NKAIN2: variants seen among roughly 807,000 people sequenced by gnomAD.
The protein encoded by NKAIN2 is sodium/potassium-transporting ATPase subunit beta-1-interacting protein 2.
Under a neutral mutation model 32.6 loss-of-function variants are expected in NKAIN2, and 14 were observed. That is an observed-to-expected ratio of 0.43 (90% CI 0.28 to 0.67). The LOEUF (loss-of-function observed/expected upper bound fraction) is 0.67, where lower values mean the gene tolerates loss of function less well. Ranked by LOEUF, NKAIN2 falls within the 30% of genes least tolerant of loss-of-function variation. The pLI is 0.17. For missense variants in NKAIN2, 198 were observed against 258.3 expected (o/e 0.77, Z 1.60); for synonymous variants, 80 against 87.2 (o/e 0.92, Z 0.46).
intron 1 of NKAIN2, among the ~76,000 whole-genome samples, chr6:123,916,789 C>G (rs1345714571): frequency 2.1e-5 from 3 of 144,294 alleles, no homozygotes; most frequent in African/African-American, 7.9e-5. Context: ...ATCTATGTAT[C>G]TATCTATGTA....
chr6:124,184,599 T>G (rs6937792), intron 1 of NKAIN2, among the ~76,000 whole-genome samples: 1 of 152,146 alleles, frequency 6.6e-6, no homozygotes, highest in South Asian at 2.1e-4. Flanking sequence ...CAGAGAAAAG[T>G]AATAAGACTA....
intron 3 of NKAIN2, among the ~76,000 whole-genome samples, chr6:124,547,952 G>T (rs1780154985): frequency 6.6e-6 from 1 of 152,036 alleles, no homozygotes; most frequent in South Asian, 2.1e-4. Flanking sequence ...GCAAAATAAT[G>T]AATTTTGTTT....
At chr6:124,356,787 A>G (rs574796918) in intron 3 of NKAIN2, among the ~76,000 whole-genome samples, 3 of 152,342 alleles carry the variant, frequency 2.0e-5, no homozygotes, top group South Asian at 4.1e-4. Context: ...CTGCTACTCT[A>G]TAATCCACTT....
At chr6:124,175,992 T>C (rs1390334720) in intron 1 of NKAIN2, among the ~76,000 whole-genome samples, 1 of 152,176 alleles carries the variant, frequency 6.6e-6, no homozygotes, top group Non-Finnish European at 1.5e-5. Context: ...AGAAATTTTC[T>C]AGTTTATGCA....
intron 1 of NKAIN2, among the ~76,000 whole-genome samples, chr6:123,920,044 G>A (rs995879577): frequency 1.3e-5 from 2 of 151,986 alleles, no homozygotes; most frequent in East Asian, 1.9e-4. Context: ...TATGAAAAGT[G>A]CCTCCTTAGT....
At chr6:124,244,225 A>T (rs1209555564) in intron 1 of NKAIN2, among the ~76,000 whole-genome samples, 2 of 143,650 alleles carry the variant, frequency 1.4e-5, no homozygotes, top group African/African-American at 5.1e-5. Context: ...TATCTCCCAA[A>T]GCTATCCCTC....
intron 4 of NKAIN2, among the ~76,000 whole-genome samples, chr6:124,718,069 A>T (rs1024301101): frequency 6.6e-6 from 1 of 152,172 alleles, no homozygotes; most frequent in South Asian, 2.1e-4. Context: ...TTTTTTTAAC[A>T]TCTTACCAAG....
chr6:124,352,727 G>A lies in NKAIN2; in HGVS notation c.193-2540G>A, dbSNP rs913887389. Reference sequence around the variant, plus strand: ...GATAAAACATTATAATCAGTCATGCGTTTTCTATCTCTTGTAATCAGTTAA... The same window carrying A: ...GATAAAACATTATAATCAGTCATGCATTTTCTATCTCTTGTAATCAGTTAA... On this transcript the variant is annotated intron_variant, in intron 2 of 6. Transcript: ENST00000368417. Among the ~76,000 whole-genome samples, 9 of 152,110 alleles carry A rather than the reference G, an allele frequency of 5.9e-5. No individual in the cohort carries two copies. The South Asian group carries it at 6.2e-4, about 10-fold the overall frequency.
chr6:124,342,715 T>C (rs992253005), intron 2 of NKAIN2, among the ~76,000 whole-genome samples: 12 of 151,636 alleles, frequency 7.9e-5, no homozygotes, highest in South Asian at 2.1e-4. Flanking sequence ...CATCCTATTC[T>C]AGGCTGGTCT....
chr6:124,781,322 A>G (rs913674607), intron 4 of NKAIN2, among the ~76,000 whole-genome samples: 1 of 152,152 alleles, frequency 6.6e-6, no homozygotes, highest in Admixed American at 6.5e-5. Flanking sequence ...ATAATAGATG[A>G]TGATAGAAAT....
intron 1 of NKAIN2, among the ~76,000 whole-genome samples, chr6:124,157,319 G>A (rs1788043425): frequency 6.6e-6 from 1 of 151,092 alleles, no homozygotes; most frequent in South Asian, 2.1e-4. Flanking sequence ...CTTATTTACT[G>A]TATACTGATA....
chr6:124,165,624 T>C (rs1259411829), intron 1 of NKAIN2, among the ~76,000 whole-genome samples: 2 of 150,574 alleles, frequency 1.3e-5, no homozygotes, highest in African/African-American at 4.9e-5. Flanking sequence ...CATTAACTCG[T>C]CATTTAGCAT....
intron 4 of NKAIN2, among the ~76,000 whole-genome samples, chr6:124,685,758 G>A (rs903193537): frequency 3.3e-5 from 5 of 152,110 alleles, no homozygotes; most frequent in Non-Finnish European, 7.4e-5. Context: ...TCTTGACTAC[G>A]AAAATTCAGT....
intron 3 of NKAIN2, among the ~76,000 whole-genome samples, chr6:124,379,112 AGAG>A (rs1352643267): frequency 1.9e-5 from 2 of 107,874 alleles, no homozygotes; most frequent in African/African-American, 3.4e-5. Flanking sequence ...AAAGGAAAGA[AGAG>A]GAGAGGGGAG....
intron 3 of NKAIN2, among the ~76,000 whole-genome samples, chr6:124,422,894 A>T: frequency 6.6e-6 from 1 of 152,322 alleles, no homozygotes; most frequent in South Asian, 2.1e-4. Flanking sequence ...GTTCCTCAGG[A>T]TCTTATTATA....
chr6:124,359,923 T>C (rs1799192226), intron 3 of NKAIN2, among the ~76,000 whole-genome samples: 2 of 152,294 alleles, frequency 1.3e-5, no homozygotes, highest in South Asian at 2.1e-4. Context: ...CATAGATAAC[T>C]CTTATTATTT....
chr6:124,259,532 A>C (rs138053591), intron 1 of NKAIN2, among the ~76,000 whole-genome samples: 341 of 152,276 alleles, frequency 2.2e-3, no homozygotes, highest in African/African-American at 7.8e-3. Context: ...TGATACCAAA[A>C]AACATTACTC....
chr6:124,801,719 G>A (rs1039794508), intron 5 of NKAIN2, among the ~76,000 whole-genome samples: 8 of 152,148 alleles, frequency 5.3e-5, no homozygotes, highest in African/African-American at 1.9e-4. Context: ...ACAAGGAAAG[G>A]GGATGGAGGT....
chr6:124,083,438 G>A (rs1784061789), intron 1 of NKAIN2, among the ~76,000 whole-genome samples: 1 of 151,520 alleles, frequency 6.6e-6, no homozygotes, highest in Non-Finnish European at 1.5e-5. Context: ...TATGGCAATT[G>A]TTTTTCTTTT....
Sources: allele counts gnomAD v4.1 joint callset (sites outside exome capture counted in the v4.1 genomes callset), GRCh38; gene constraint gnomAD v4.1.1; transcripts MANE v1.5; gene names NCBI Gene and HGNC (gene_info 2026-07-23, HGNC 2026-07-21).